EPRS1: variants seen among roughly 807,000 people sequenced by gnomAD.
The protein encoded by EPRS1 is glutamyl-prolyl-tRNA synthetase 1.
EPRS1 carries 107 observed loss-of-function variants against 188.3 expected under a neutral mutation model. The ratio of observed to expected loss-of-function variants is 0.57; its 90% CI spans 0.49 to 0.67. The LOEUF (loss-of-function observed/expected upper bound fraction) is 0.67, where lower values mean the gene tolerates loss of function less well. Ranked by LOEUF, EPRS1 falls within the 30% of genes least tolerant of loss-of-function variation. The probability of loss-of-function intolerance (pLI) is 0.00; values close to 1 mark genes in which losing one functional copy is unlikely to be tolerated. For missense variants in EPRS1, 1,577 were observed against 1,802.2 expected, an observed-to-expected ratio of 0.88 and a Z score of 2.26; for synonymous variants, 596 against 593.1, an observed-to-expected ratio of 1.00 and a Z score of -0.07.
chr1:220,020,864 A>C (rs1249094809), intron 9 of EPRS1, among the ~76,000 whole-genome samples: 1 of 57,724 alleles, frequency 1.7e-5, no homozygotes, highest in African/African-American at 8.2e-5. Context: ...ATATATATAT[A>C]TATATATTAG....
chr1:220,032,493 T>C lies in EPRS1; in HGVS notation c.422A>G (p.Lys141Arg). 6.2e-7 allele frequency: 1 copy of C among 1,613,876 alleles called. No individual in the cohort carries two copies. ...ACGTTTTACATGAACTGGAGCTTTC[T>C]TCTGTTTCAACTGTTCTTGCCAGGC... ...NAAWQEQLKQ[K>R]KAPVHVKRWF... Residue 141 changes from lysine to arginine, a missense_variant, in exon 5 of 32, where the codon AAG becomes AGG. By Grantham distance (26) the Lys-to-Arg change is conservative (BLOSUM62 2). This residue lies in a region of EPRS1 where 1,278 missense variants were observed against 1,457.4 expected (regional missense o/e 0.88). Coordinates refer to ENST00000366923, the MANE Select transcript of EPRS1 (RefSeq NM_004446.3).
At chr1:220,004,800 A>C (rs76759331) in intron 16 of EPRS1, among the ~76,000 whole-genome samples, 3,498 of 152,232 alleles carry the variant, frequency 0.023, 75 homozygotes, top group East Asian at 0.067. Context: ...ATTTACATAG[A>C]GTTCTCCTTC....
rs1661897561 is a variant in EPRS1, at chr1:220,022,536, C to G, written c.944-18G>C. 2 of 1,570,830 alleles carry G rather than the reference C, an allele frequency of 1.3e-6. No individual in the cohort carries two copies. The highest frequency in any genetic ancestry group is 1.7e-6 in the Non-Finnish European group (2 of 1,147,656). ...CTCAATAGCTATAAAATGATAATTA[C>G]ATTACGGTTCACTAATCTGGTTAAA... is the stretch of plus-strand genomic sequence containing the variant. On this transcript the variant is annotated intron_variant, in intron 8 of 31. Coordinates refer to ENST00000366923, the MANE Select transcript of EPRS1 (RefSeq NM_004446.3).
intron 13 of EPRS1, among the ~76,000 whole-genome samples, chr1:220,009,692 G>T (rs2789805): frequency 6.7e-6 from 1 of 149,824 alleles, no homozygotes; most frequent in Non-Finnish European, 1.5e-5. Context: ...TCAAAATTAA[G>T]AAAAAAAAAA....
At chr1:219,980,513 T>C (rs1382886696) in intron 25 of EPRS1, among the ~76,000 whole-genome samples, 3 of 152,204 alleles carry the variant, frequency 2.0e-5, no homozygotes, top group Non-Finnish European at 4.4e-5. Context: ...AGTATCAAAA[T>C]GCAAATTTCC....
Position 220,025,278 on chromosome 1 carries a change from C to G in EPRS1, c.624-20G>C, listed in dbSNP as rs763420503. On this transcript the variant is annotated intron_variant, in intron 6 of 31. Coordinates refer to ENST00000366923, the MANE Select transcript of EPRS1 (RefSeq NM_004446.3). ...AAGTAACTAAAACAAAAACATTTCA[C>G]AAAGAAACTCATTAACATGTTTTAA... is the stretch of plus-strand genomic sequence containing the variant. 1.5e-5 allele frequency: 23 copies of G among 1,566,788 alleles called. No homozygotes were observed. The highest frequency in any genetic ancestry group is 2.0e-5 in the Non-Finnish European group (23 of 1,158,484).
At chr1:219,987,018 A>G (rs2647435) in intron 20 of EPRS1, 124 bp downstream of exon 20, 659,429 of 993,838 alleles carry the variant, frequency 0.66, 221,812 homozygotes, top group Non-Finnish European at 0.7. Context: ...ATCTGCTGAC[A>G]TTGTAGCTTT....
intron 26 of EPRS1, 28 bp downstream of exon 26, chr1:219,980,057 C>T (rs778513654): frequency 1.2e-6 from 2 of 1,605,090 alleles, no homozygotes; most frequent in Non-Finnish European, 1.7e-6. Context: ...TTACAGTGAC[C>T]TACGAATCCT....
At chr1:220,016,945 T>C (rs922490737) in intron 12 of EPRS1, among the ~76,000 whole-genome samples, 2 of 152,130 alleles carry the variant, frequency 1.3e-5, no homozygotes, top group African/African-American at 4.8e-5. Context: ...CCGGACACAG[T>C]GGCTCACGCC....
At chr1:220,025,005 G>A (rs1661947197) in intron 7 of EPRS1, 127 bp downstream of exon 7, 1 of 887,782 alleles carries the variant, frequency 1.1e-6, no homozygotes, top group Non-Finnish European at 1.8e-6. Flanking sequence ...CTCAGATATG[G>A]AATATATAGA....
Position 220,030,506 on chromosome 1 carries a change from CAA to C in EPRS1, c.529-28_529-27del, listed in dbSNP as rs761238800. 10 of 1,551,156 alleles carry C rather than the reference CAA, an allele frequency of 6.4e-6. No individual in the cohort carries two copies. In the South Asian group the frequency reaches 1.1e-4, roughly 17 times the overall value. On this transcript the variant is annotated intron_variant, in intron 5 of 31. Transcript: ENST00000366923. The stretch of plus-strand genomic sequence containing the variant: ...CTGAAAAACACAACCACCATCACAA[CAA>C]AAAGTCTTATGGTTAAATGTCTAAG...
chr1:220,034,791 T>C, intron 3 of EPRS1, 123 bp downstream of exon 3: 1 of 698,884 alleles, frequency 1.4e-6, no homozygotes, highest in East Asian at 2.7e-5. Flanking sequence ...TTGGTCTATA[T>C]AATTAACACT....
At chr1:220,031,073 C>T (rs1571695284) in intron 5 of EPRS1, among the ~76,000 whole-genome samples, 2 of 135,450 alleles carry the variant, frequency 1.5e-5, no homozygotes, top group African/African-American at 5.7e-5. Context: ...GCCTGGGTGA[C>T]GAGCAAAACT....
At chr1:220,027,609 A>AAAAAG (rs35539406) in intron 6 of EPRS1, among the ~76,000 whole-genome samples, 2 of 149,264 alleles carry the variant, frequency 1.3e-5, no homozygotes, top group African/African-American at 4.9e-5. Context: ...AAAAAAAAAA[A>AAAAAG]GGAGGGTTTA....
Position 220,007,370 on chromosome 1 carries a change from G to C in EPRS1, c.1606-32C>G, listed in dbSNP as rs747153676. 2.5e-6 allele frequency: 4 copies of C among 1,592,804 alleles called. No homozygotes were observed. The Admixed American group carries it at 5.4e-5, about 22-fold the overall frequency. The stretch of plus-strand genomic sequence containing the variant: ...GATAAAGAAAAGCAGAGTGTCTGTT[G>C]AAACAACAACTTATTGAACCCAGTA... On this transcript the variant is annotated intron_variant, in intron 13 of 31. Transcript: ENST00000366923.
At chr1:219,972,327 T>A (rs1660683687) in intron 29 of EPRS1, among the ~76,000 whole-genome samples, 180 bp from the exon 30 acceptor site, 1 of 152,184 alleles carries the variant, frequency 6.6e-6, no homozygotes, top group African/African-American at 2.4e-5. Context: ...ATCATTGCAC[T>A]ATTGTGAGCC....
chr1:220,018,035 G>T, intron 12 of EPRS1: 1 of 639,622 alleles, frequency 1.6e-6, no homozygotes. Flanking sequence ...ATATAAATGT[G>T]ATTGTGCTTC....
At position 220,021,544 on chromosome 1, in the gene EPRS1, T is replaced by C. The variant is rs575042148; in HGVS notation, c.1115+803A>G. On this transcript the variant is annotated intron_variant, in intron 9 of 31. Transcript: ENST00000366923. The stretch of plus-strand genomic sequence containing the variant: ...AGATACAACTTGATTAAGATGCTAC[T>C]GCATTATGCTTTGCAATTATTTGAC... Among the ~76,000 whole-genome samples the C allele has an allele frequency of 1.6e-4, 25 of 152,358 alleles. No homozygotes were observed. The South Asian group carries it at 4.4e-3, about 27-fold the overall frequency.
intron 12 of EPRS1, among the ~76,000 whole-genome samples, chr1:220,016,761 C>A (rs1661725836): frequency 1.5e-5 from 2 of 131,424 alleles, no homozygotes; most frequent in Non-Finnish European, 1.6e-5. Context: ...AAAAAATAAG[C>A]AAATGAGAGG....
Sources: allele counts gnomAD v4.1 joint callset (sites outside exome capture counted in the v4.1 genomes callset), GRCh38; gene constraint gnomAD v4.1.1; regional missense constraint gnomAD v4.1.1; transcripts MANE v1.5; gene names NCBI Gene and HGNC (gene_info 2026-07-23, HGNC 2026-07-21).